Variants in BAAT observed in about 807,000 individuals in gnomAD.
The protein encoded by BAAT is bile acid-CoA:amino acid N-acyltransferase.
BAAT carries 13 observed loss-of-function variants against 18.9 expected under a neutral mutation model. The observed-to-expected ratio is 0.69, with a 90% CI of 0.45 to 1.10. The LOEUF is 1.10. BAAT is among the 50% of genes least tolerant of loss of function. The pLI, the probability that BAAT is intolerant of heterozygous loss-of-function variation, is 0.00. For synonymous variants in BAAT, 170 were observed against 190.7 expected (o/e 0.89, Z 0.89); for missense variants, 489 against 504.0 (o/e 0.97, Z 0.28).
intron 1 of BAAT, among the ~76,000 whole-genome samples, chr9:101,372,513 T>C (rs1369288931): frequency 6.6e-6 from 1 of 152,012 alleles, no homozygotes. Flanking sequence ...AATTAAGAAA[T>C]GCCCATCTCC....
intron 1 of BAAT, among the ~76,000 whole-genome samples, chr9:101,372,258 A>G (rs943323465): frequency 1.3e-5 from 2 of 150,896 alleles, no homozygotes; most frequent in African/African-American, 4.9e-5. Context: ...CTATGTAACA[A>G]TCCTGCACAT....
chr9:101,372,176 G>A (rs773179069), intron 1 of BAAT, among the ~76,000 whole-genome samples: 3 of 151,998 alleles, frequency 2.0e-5, no homozygotes, highest in Non-Finnish European at 4.4e-5. Context: ...TGGGGGCAAG[G>A]GCTGAAAAAC....
At chr9:101,369,832 C>T (rs1700470761) in intron 2 of BAAT, among the ~76,000 whole-genome samples, 1 of 152,068 alleles carries the variant, frequency 6.6e-6, no homozygotes, top group African/African-American at 2.4e-5. Flanking sequence ...TATTTGGCCC[C>T]ACAATAAACT....
At chr9:101,368,397 A>C (rs1373469833) in intron 2 of BAAT, 75 bp from the exon 3 acceptor site, 3 of 1,285,698 alleles carry the variant, frequency 2.3e-6, no homozygotes, top group Non-Finnish European at 3.3e-6. Flanking sequence ...AATACAAAGC[A>C]GAAATACAAA....
At chr9:101,380,919 ATT>A (rs1172537390) in intron 1 of BAAT, among the ~76,000 whole-genome samples, 1 of 150,842 alleles carries the variant, frequency 6.6e-6, no homozygotes, top group Non-Finnish European at 1.5e-5. Context: ...TGCCTGGCCA[ATT>A]TTTTTGTGTT....
intron 2 of BAAT, among the ~76,000 whole-genome samples, 169 bp from the exon 3 acceptor site, chr9:101,368,491 A>C (rs1335228182): frequency 6.6e-6 from 1 of 152,224 alleles, no homozygotes; most frequent in Non-Finnish European, 1.5e-5. Context: ...AATTACATTC[A>C]AATGTAATTT....
rs775867370 is a variant in BAAT, at chr9:101,371,381, A to AG, written c.23dup (p.Val9CysfsTer6). 6.2e-7 allele frequency: 1 copy of AG among 1,612,040 alleles called. No homozygotes were observed. Among genetic ancestry groups the AG allele is most frequent in the South Asian group, 1.1e-5 (1 of 91,062 alleles). On this transcript the variant is annotated frameshift_variant, in exon 2 of 4. Coordinates refer to ENST00000259407, the MANE Select transcript of BAAT (RefSeq NM_001701.4). LOFTEE classifies it high-confidence loss of function. ...CTGGCTCATCAACAAGTGCACTCAC[A>AG]GGGGTAGCTGTCAACTGGATCATTT...
chr9:101,366,282 C>A (rs1308981435), intron 3 of BAAT, among the ~76,000 whole-genome samples: 1 of 152,152 alleles, frequency 6.6e-6, no homozygotes. Flanking sequence ...TCTGTGCAGG[C>A]TTTTTAATAT....
chr9:101,384,372 T>G (rs1323453027), intron 1 of BAAT, among the ~76,000 whole-genome samples: 1 of 152,194 alleles, frequency 6.6e-6, no homozygotes, highest in East Asian at 1.9e-4. Context: ...GGGAAAAGGC[T>G]TAATCTCATT....
At chr9:101,382,737 G>C (rs1830151632) in intron 1 of BAAT, among the ~76,000 whole-genome samples, 1 of 152,128 alleles carries the variant, frequency 6.6e-6, no homozygotes, top group South Asian at 2.1e-4. Context: ...TTTGCCACCA[G>C]TAACTCAGAT....
chr9:101,377,089 AT>A (rs1397793176), intron 1 of BAAT, among the ~76,000 whole-genome samples: 8 of 152,234 alleles, frequency 5.3e-5, no homozygotes, highest in Admixed American at 5.2e-4. Flanking sequence ...TAGCTTTACT[AT>A]TGATAATACT....
At chr9:101,369,032 C>T (rs1829880962) in intron 2 of BAAT, among the ~76,000 whole-genome samples, 1 of 152,090 alleles carries the variant, frequency 6.6e-6, no homozygotes, top group African/African-American at 2.4e-5. Context: ...TCATTTTTTG[C>T]AGGCTGACAC....
Position 101,362,609 on chromosome 9 carries a change from C to G in BAAT, c.1076G>C (p.Gly359Ala). Reference sequence around the variant, plus strand: ...GGGAGGTTCTATCAGGTGGCCTGCCCCAGGGTAAGATAGCAGGGTCCAGTT... The same window carrying G: ...GGGAGGTTCTATCAGGTGGCCTGCCGCAGGGTAAGATAGCAGGGTCCAGTT... ...KNNWTLLSYP[G>A]AGHLIEPPYS... Residue 359 changes from glycine to alanine, a missense_variant, in exon 4 of 4, where the codon GGG becomes GCG. Physicochemically the swap from Gly to Ala is moderately conservative, Grantham distance 60. Transcript: ENST00000259407. 1 of 1,614,112 alleles carries G rather than the reference C, an allele frequency of 6.2e-7. No homozygotes were observed. Among genetic ancestry groups the G allele is most frequent in the Non-Finnish European group, 8.5e-7 (1 of 1,180,018 alleles).
Position 101,368,103 on chromosome 9 carries a change from GA to G in BAAT, c.669+16del, listed in dbSNP as rs1200582866. ...AAAACCCCAGGGACTCAAACCTACT[GA>G]AAAGACAAAAATTACCTTTGGATGT... On this transcript the variant is annotated intron_variant, in intron 3 of 3. Coordinates refer to ENST00000259407, the MANE Select transcript of BAAT (RefSeq NM_001701.4). The G allele has an allele frequency of 6.2e-7, 1 of 1,610,232 alleles. No homozygotes were observed. Among genetic ancestry groups the G allele is most frequent in the Non-Finnish European group, 8.5e-7 (1 of 1,176,498 alleles).
Position 101,362,671 on chromosome 9 carries a change from T to C in BAAT, c.1014A>G (p.Glu338=). Residue 338 remains glutamate (E), a synonymous_variant, in exon 4 of 4, where the codon GAA becomes GAG. Transcript: ENST00000259407. The part of the protein sequence containing the change: ...DKTINSKAHA[E]QAIGQLKRHG... ...GTCTCTTCAGCTGTCCTATGGCTTGTTCAGCGTGTGCTTTGCTGTTGATAG... is the reference window on the plus strand; with the variant it reads ...GTCTCTTCAGCTGTCCTATGGCTTGCTCAGCGTGTGCTTTGCTGTTGATAG... 1 of 1,614,182 alleles carries C rather than the reference T, an allele frequency of 6.2e-7. No homozygotes were observed. The highest frequency in any genetic ancestry group is 8.5e-7 in the Non-Finnish European group (1 of 1,180,034).
Position 101,361,904 on chromosome 9 carries a change from C to A in BAAT, c.*524G>T. On this transcript the variant is annotated 3_prime_UTR_variant, in exon 4 of 4. Coordinates refer to ENST00000259407, the MANE Select transcript of BAAT (RefSeq NM_001701.4). ...AATTTATTGCAATGAACTAACTGAC[C>A]TCCTCCATTCCTTCTTTCCTTTTTG... The A allele has an allele frequency of 6.1e-6, 1 of 164,656 alleles. No individual in the cohort carries two copies. Among genetic ancestry groups the A allele is most frequent in the Non-Finnish European group, 1.3e-5 (1 of 75,190 alleles). 10.2% of individuals were successfully genotyped at this position (164,656 alleles called of 1,614,324 possible).
intron 1 of BAAT, among the ~76,000 whole-genome samples, chr9:101,373,317 C>A (rs1341392099): frequency 6.6e-6 from 1 of 152,242 alleles, no homozygotes; most frequent in East Asian, 1.9e-4. Flanking sequence ...TTTGCAGGAA[C>A]AGGGATGAGT....
intron 1 of BAAT, among the ~76,000 whole-genome samples, chr9:101,376,833 T>C (rs1588144270): frequency 1.3e-5 from 2 of 152,158 alleles, no homozygotes; most frequent in Non-Finnish European, 2.9e-5. Context: ...ATCTAAAAGT[T>C]AGAGAAAGAG....
chr9:101,374,798 C>T (rs1237586341), intron 1 of BAAT, among the ~76,000 whole-genome samples: 1 of 151,978 alleles, frequency 6.6e-6, no homozygotes, highest in Non-Finnish European at 1.5e-5. Flanking sequence ...CAGGTATATT[C>T]CCTGTTATTG....
Sources: allele counts gnomAD v4.1 joint callset (sites outside exome capture counted in the v4.1 genomes callset), GRCh38; gene constraint gnomAD v4.1.1; transcripts MANE v1.5; gene names NCBI Gene and HGNC (gene_info 2026-07-23, HGNC 2026-07-21).